NTRK2: variants seen among roughly 807,000 people sequenced by gnomAD.
NTRK2 encodes BDNF/NT-3 growth factors receptor.
Under a neutral mutation model 94.5 loss-of-function variants are expected in NTRK2, and 13 were observed. The observed-to-expected ratio is 0.14, with a 90% CI of 0.09 to 0.22. The LOEUF (loss-of-function observed/expected upper bound fraction) is 0.22, where lower values mean the gene tolerates loss of function less well. NTRK2 is among the 10% of genes least tolerant of loss of function. NTRK2 has a pLI of 1.00. For missense variants in NTRK2, 639 were observed against 1,071.2 expected (o/e 0.60, Z 5.63); for synonymous variants, 372 against 407.4 (o/e 0.91, Z 1.05).
intron 12 of NTRK2, chr9:84,815,027 G>T (rs570039747): frequency 1.9e-6 from 2 of 1,059,348 alleles, no homozygotes; most frequent in Admixed American, 5.4e-5. Flanking sequence ...TTTGCTGCCA[G>T]GTGCTGCCAG....
At chr9:84,919,503 T>A (rs2077497196) in intron 14 of NTRK2, among the ~76,000 whole-genome samples, 1 of 152,226 alleles carries the variant, frequency 6.6e-6, no homozygotes, top group Non-Finnish European at 1.5e-5. Flanking sequence ...TCATGTAGCC[T>A]TGAATGGGCC....
chr9:84,852,266 A>C (rs879851472), intron 12 of NTRK2, among the ~76,000 whole-genome samples: 1 of 152,234 alleles, frequency 6.6e-6, no homozygotes, highest in Non-Finnish European at 1.5e-5. Flanking sequence ...AGTGCTAACC[A>C]GCATGGCTTT....
chr9:84,924,591 G>A (rs575313918), intron 14 of NTRK2, among the ~76,000 whole-genome samples: 12 of 152,310 alleles, frequency 7.9e-5, no homozygotes, highest in Admixed American at 2.6e-4. Context: ...TTGGCTGTTC[G>A]GGGATGTCAA....
intron 17 of NTRK2, among the ~76,000 whole-genome samples, chr9:84,962,816 G>A (rs1421970563): frequency 6.6e-6 from 1 of 152,218 alleles, no homozygotes; most frequent in Non-Finnish European, 1.5e-5. Context: ...AGAGGGAAGA[G>A]CATCCAATTT....
At chr9:84,944,934 T>C (rs2078545439) in intron 15 of NTRK2, among the ~76,000 whole-genome samples, 1 of 152,250 alleles carries the variant, frequency 6.6e-6, no homozygotes, top group Non-Finnish European at 1.5e-5. Context: ...GATATTGTTA[T>C]CCTCACTCTC....
rs2073327034 is a variant in NTRK2 at position 84,828,496 on chromosome 9, C to T, written c.1397-32544C>T. Among the ~76,000 whole-genome samples, 4 of 152,212 alleles carry T rather than the reference C, an allele frequency of 2.6e-5. No homozygotes were observed. In the South Asian group the frequency reaches 8.3e-4, roughly 32 times the overall value. On this transcript the variant is annotated intron_variant, in intron 12 of 18. Transcript: ENST00000277120. ...ACTTTCTAGAGAACAAGACAAACCTCCTACCTTTCATTCTCTCCCCCTACC... is the reference window on the plus strand; with the variant it reads ...ACTTTCTAGAGAACAAGACAAACCTTCTACCTTTCATTCTCTCCCCCTACC...
chr9:84,970,194 C>T (rs1308583008), intron 17 of NTRK2, among the ~76,000 whole-genome samples: 7 of 151,754 alleles, frequency 4.6e-5, no homozygotes, highest in African/African-American at 1.2e-4. Context: ...GTCAGGAGTT[C>T]GAGACCAGCC....
chr9:84,871,010 C>A (rs952037589), intron 14 of NTRK2, among the ~76,000 whole-genome samples: 1 of 152,086 alleles, frequency 6.6e-6, no homozygotes, highest in African/African-American at 2.4e-5. Context: ...ATAATAAAGA[C>A]GATTCATTAC....
chr9:84,970,409 A>G (rs1268577937), intron 17 of NTRK2, among the ~76,000 whole-genome samples: 1 of 152,042 alleles, frequency 6.6e-6, no homozygotes, highest in African/African-American at 2.4e-5. Context: ...AAAAAATAAA[A>G]AATGGCAATA....
chr9:84,988,219 A>C (rs925234792), intron 17 of NTRK2, among the ~76,000 whole-genome samples: 1 of 152,202 alleles, frequency 6.6e-6, no homozygotes, highest in African/African-American at 2.4e-5. Flanking sequence ...AGCCACGCCA[A>C]CCAGAGGCAG....
At chr9:84,968,300 G>A (rs371340210) in intron 17 of NTRK2, among the ~76,000 whole-genome samples, 1 of 152,158 alleles carries the variant, frequency 6.6e-6, no homozygotes, top group Non-Finnish European at 1.5e-5. Context: ...TCTTCTCCCT[G>A]AGAGGTGGGC....
intron 12 of NTRK2, among the ~76,000 whole-genome samples, chr9:84,773,929 CT>C (rs1463860995): frequency 6.6e-6 from 1 of 152,134 alleles, no homozygotes; most frequent in Non-Finnish European, 1.5e-5. Flanking sequence ...CGTTTTGTAA[CT>C]GAGGACATTG....
intron 9 of NTRK2, among the ~76,000 whole-genome samples, chr9:84,728,864 T>C (rs1396806305): frequency 6.6e-6 from 1 of 152,236 alleles, no homozygotes; most frequent in African/African-American, 2.4e-5. Flanking sequence ...TCAGATGCTG[T>C]CCTTCAGTGG....
At chr9:84,936,845 T>C (rs1052469735) in intron 15 of NTRK2, among the ~76,000 whole-genome samples, 1 of 152,176 alleles carries the variant, frequency 6.6e-6, no homozygotes, top group Non-Finnish European at 1.5e-5. Flanking sequence ...CTCATGTCAG[T>C]GACCTTACAT....
At chr9:85,020,124 GCAAA>G in intron 17 of NTRK2, 78 bp from the exon 18 acceptor site, 1 of 1,459,368 alleles carries the variant, frequency 6.9e-7, no homozygotes, top group Non-Finnish European at 9.6e-7. Flanking sequence ...AATAAGGAAA[GCAAA>G]CAGTGTCCCC....
intron 9 of NTRK2, among the ~76,000 whole-genome samples, chr9:84,730,556 C>A (rs1167216581): frequency 7.4e-6 from 1 of 136,050 alleles, no homozygotes; most frequent in African/African-American, 3.2e-5. Flanking sequence ...CTGGCTAACA[C>A]GGTGAAACCC....
intron 14 of NTRK2, among the ~76,000 whole-genome samples, chr9:84,888,301 G>A (rs2076479250): frequency 6.6e-6 from 1 of 152,068 alleles, no homozygotes; most frequent in East Asian, 1.9e-4. Context: ...TATAGATGAG[G>A]AAAGGGATGC....
intron 14 of NTRK2, among the ~76,000 whole-genome samples, chr9:84,907,328 A>G (rs1356987331): frequency 6.6e-6 from 1 of 152,224 alleles, no homozygotes; most frequent in Non-Finnish European, 1.5e-5. Context: ...GATAAGTTGC[A>G]TAGCCATTTC....
At chr9:84,896,810 G>T (rs895739407) in intron 14 of NTRK2, among the ~76,000 whole-genome samples, 1 of 152,192 alleles carries the variant, frequency 6.6e-6, no homozygotes, top group African/African-American at 2.4e-5. Context: ...CTCCCTAGGA[G>T]TGGCTCCTGA....
Sources: gnomAD v4.1 joint callset for allele counts (sites outside exome capture counted in the v4.1 genomes callset) on GRCh38, gnomAD v4.1.1 for gene constraint, MANE v1.5 for transcripts, NCBI Gene and HGNC (gene_info 2026-07-23, HGNC 2026-07-21) for gene names.